The following ANKS1B variants were observed in gnomAD, a reference collection of about 807,000 sequenced individuals.
ANKS1B encodes ankyrin repeat and sterile alpha motif domain containing 1B.
Under a neutral mutation model 148.3 loss-of-function variants are expected in ANKS1B, and 36 were observed. The ratio of observed to expected loss-of-function variants is 0.24; its 90% CI spans 0.19 to 0.32. The LOEUF (loss-of-function observed/expected upper bound fraction) is 0.32, where lower values mean the gene tolerates loss of function less well. Ranked by LOEUF, ANKS1B falls within the 10% of genes least tolerant of loss-of-function variation. The pLI, the probability that ANKS1B is intolerant of heterozygous loss-of-function variation, is 1.00. For missense variants in ANKS1B, 1,157 were observed against 1,542.6 expected, an observed-to-expected ratio of 0.75 and a Z score of 4.19; for synonymous variants, 542 against 560.8, an observed-to-expected ratio of 0.97 and a Z score of 0.47.
chr12:98,963,814 T>C (rs1159406829), intron 17 of ANKS1B, among the ~76,000 whole-genome samples: 1 of 151,892 alleles, frequency 6.6e-6, no homozygotes, highest in African/African-American at 2.4e-5. Flanking sequence ...AGGAAAAAAA[T>C]CTAGGCCAGG....
rs571796517 is a variant in ANKS1B, at chr12:99,526,413, C to G, written c.1273-21772G>C. ...GGTACTGTAAAGCACCATTTACAGG[C>G]ATTGCATAATTATTACTCTATCTAA... On this transcript the variant is annotated intron_variant, in intron 9 of 26. Transcript: ENST00000683438. Among the ~76,000 whole-genome samples, 72 of 152,244 alleles carry G rather than the reference C, an allele frequency of 4.7e-4. 2 individuals carry two copies. Among genetic ancestry groups the G allele is most frequent in the Middle Eastern group, 3.4e-3 (1 of 294 alleles).
intron 16 of ANKS1B, among the ~76,000 whole-genome samples, chr12:99,079,304 AT>A (rs943391935): frequency 6.6e-6 from 1 of 152,176 alleles, no homozygotes; most frequent in Admixed American, 6.5e-5. Flanking sequence ...AACAGCAAAA[AT>A]TTTTTTAGCC....
At chr12:99,956,957 C>G (rs2095333375) in intron 1 of ANKS1B, among the ~76,000 whole-genome samples, 1 of 152,182 alleles carries the variant, frequency 6.6e-6, no homozygotes, top group Admixed American at 6.5e-5. Flanking sequence ...ACTGAGATAT[C>G]AGATGCTACA....
chr12:99,533,962 C>T (rs2097032082), intron 9 of ANKS1B, among the ~76,000 whole-genome samples: 1 of 152,066 alleles, frequency 6.6e-6, no homozygotes, highest in Non-Finnish European at 1.5e-5. Flanking sequence ...AATGGCCTCC[C>T]AAAACCTTCC....
chr12:99,480,300 T>A (rs956281167), intron 10 of ANKS1B, among the ~76,000 whole-genome samples: 3 of 151,870 alleles, frequency 2.0e-5, no homozygotes, highest in African/African-American at 7.2e-5. Context: ...TAGTGTGATA[T>A]CAAGAAAATG....
At chr12:99,254,238 T>C (rs1323910983) in intron 12 of ANKS1B, among the ~76,000 whole-genome samples, 2 of 152,228 alleles carry the variant, frequency 1.3e-5, no homozygotes, top group African/African-American at 4.8e-5. Flanking sequence ...AGAATGTACT[T>C]GCCTGTAGAA....
At position 99,468,539 on chromosome 12, in the gene ANKS1B, G is replaced by A. The variant is rs201977714; in HGVS notation, c.1439-24730C>T. Among the ~76,000 whole-genome samples, 275 of 152,074 alleles carry A rather than the reference G, an allele frequency of 1.8e-3. 5 individuals are homozygous for A. In the East Asian group the frequency reaches 0.042, roughly 23 times the overall value. The stretch of plus-strand genomic sequence containing the variant: ...GGAAGAAAATTTTCGCAACCTACTC[G>A]TCTGACAAAGGGCTAATATCCAGAA... On this transcript the variant is annotated intron_variant, in intron 10 of 26. Transcript: ENST00000683438.
chr12:99,646,546 A>G (rs2098367509), intron 9 of ANKS1B, among the ~76,000 whole-genome samples: 1 of 148,656 alleles, frequency 6.7e-6, no homozygotes, highest in Non-Finnish European at 1.5e-5. Context: ...CCCAGCTACT[A>G]GGAAAGCTGA....
At chr12:98,973,815 T>C (rs930383191) in intron 17 of ANKS1B, among the ~76,000 whole-genome samples, 3 of 152,184 alleles carry the variant, frequency 2.0e-5, no homozygotes, top group Admixed American at 6.5e-5. Context: ...AACTTTATTA[T>C]AGATATCTAT....
At chr12:99,374,262 GA>G (rs773386541) in intron 12 of ANKS1B, among the ~76,000 whole-genome samples, 17 of 151,552 alleles carry the variant, frequency 1.1e-4, no homozygotes, top group Middle Eastern at 3.4e-3. Flanking sequence ...TGTTGGTGAG[GA>G]AAAAAAAATC....
intron 9 of ANKS1B, among the ~76,000 whole-genome samples, chr12:99,596,060 A>T (rs537910258): frequency 7.9e-5 from 12 of 152,080 alleles, no homozygotes; most frequent in African/African-American, 2.9e-4. Context: ...ATTAGTTGGT[A>T]GACTCTTCGA....
rs568086972 is a variant in ANKS1B, at chr12:99,489,627, G to A, written c.1438+14849C>T. On this transcript the variant is annotated intron_variant, in intron 10 of 26. Transcript: ENST00000683438. ...ATTTACACAAATCACTTTTACACAC[G>A]TGGTTATAGTAACCAAAGTATGCTT... 1.1e-4 allele frequency among the ~76,000 whole-genome samples: 17 copies of A among 152,208 alleles called. No individual in the cohort carries two copies. In the East Asian group the frequency reaches 2.5e-3, roughly 22 times the overall value.
chr12:99,902,096 A>T (rs1235535496), intron 1 of ANKS1B, among the ~76,000 whole-genome samples: 1 of 152,254 alleles, frequency 6.6e-6, no homozygotes, highest in Admixed American at 6.5e-5. Flanking sequence ...GCGCCATAAA[A>T]GAAATAAATA....
chr12:99,356,987 A>G (rs2092051042), intron 12 of ANKS1B, among the ~76,000 whole-genome samples: 1 of 150,612 alleles, frequency 6.6e-6, no homozygotes, highest in South Asian at 2.1e-4. Flanking sequence ...TTTAGCATCT[A>G]TTAGGTCTAG....
chr12:99,950,113 A>ATTTTT (rs35287842), intron 1 of ANKS1B, among the ~76,000 whole-genome samples: 2 of 90,550 alleles, frequency 2.2e-5, no homozygotes, highest in Non-Finnish European at 4.1e-5. Context: ...TGCTCAGTTA[A>ATTTTT]TTTTTTTTTT....
At chr12:98,907,514 G>A (rs12425690) in intron 17 of ANKS1B, among the ~76,000 whole-genome samples, 56,950 of 152,006 alleles carry the variant, frequency 0.37, 11,901 homozygotes, top group Middle Eastern at 0.55. Context: ...GGCAGGGGGA[G>A]GAAAGAGACC....
intron 12 of ANKS1B, among the ~76,000 whole-genome samples, chr12:99,294,592 C>T (rs951961179): frequency 2.0e-5 from 3 of 151,778 alleles, no homozygotes; most frequent in Non-Finnish European, 2.9e-5. Context: ...CAGTTATAAA[C>T]AATAATTAAC....
chr12:99,569,206 TA>T (rs758776077), intron 9 of ANKS1B, among the ~76,000 whole-genome samples: 3 of 152,180 alleles, frequency 2.0e-5, no homozygotes, highest in Non-Finnish European at 2.9e-5. Flanking sequence ...GACTGGAAGG[TA>T]AAAACAAATT....
intron 8 of ANKS1B, among the ~76,000 whole-genome samples, chr12:99,687,227 G>T (rs1266493678): frequency 6.6e-6 from 1 of 152,114 alleles, no homozygotes; most frequent in Non-Finnish European, 1.5e-5. Flanking sequence ...ACTCTGGTAA[G>T]TAATATACCT....
Sources: allele counts gnomAD v4.1 joint callset (sites outside exome capture counted in the v4.1 genomes callset), GRCh38; gene constraint gnomAD v4.1.1; transcripts MANE v1.5; gene names NCBI Gene and HGNC (gene_info 2026-07-23, HGNC 2026-07-21).